The following IFT80 variants were observed in gnomAD, a reference collection of about 807,000 sequenced individuals.
The protein encoded by IFT80 is intraflagellar transport protein 80 homolog.
Under a neutral mutation model 107.9 loss-of-function variants are expected in IFT80, and 79 were observed. The ratio of observed to expected loss-of-function variants is 0.73; its 90% confidence interval spans 0.61 to 0.88. The LOEUF (loss-of-function observed/expected upper bound fraction) is 0.88, where lower values mean the gene tolerates loss of function less well. IFT80 is among the 40% of genes least tolerant of loss of function. The probability of loss-of-function intolerance (pLI) is 0.00; values close to 1 mark genes in which losing one functional copy is unlikely to be tolerated. For missense variants in IFT80, 797 were observed against 914.2 expected, an observed-to-expected ratio of 0.87 and a Z score of 1.65; for synonymous variants, 299 against 300.9, an observed-to-expected ratio of 0.99 and a Z score of 0.07.
At chr3:160,318,231 A>G (rs992863441) in intron 9 of IFT80, among the ~76,000 whole-genome samples, 2 of 151,700 alleles carry the variant, frequency 1.3e-5, no homozygotes, top group Non-Finnish European at 2.9e-5. Flanking sequence ...AAGTTTTATA[A>G]TTTTAAAATA....
intron 18 of IFT80, among the ~76,000 whole-genome samples, chr3:160,274,365 A>C (rs748819040): frequency 6.6e-6 from 1 of 152,156 alleles, no homozygotes; most frequent in Admixed American, 6.6e-5. Context: ...AATGTTCAGA[A>C]GGTTATATTA....
intron 8 of IFT80, among the ~76,000 whole-genome samples, chr3:160,354,888 A>G (rs995918458): frequency 6.6e-6 from 1 of 152,184 alleles, no homozygotes; most frequent in African/African-American, 2.4e-5. Flanking sequence ...AGCTAGGCAG[A>G]GGACTTCATA....
intron 12 of IFT80, among the ~76,000 whole-genome samples, chr3:160,286,836 T>C (rs1203837292): frequency 6.6e-6 from 1 of 152,230 alleles, no homozygotes; most frequent in Non-Finnish European, 1.5e-5. Flanking sequence ...CAATAATTTA[T>C]CTGGTCTTTG....
In IFT80 at chr3:160,258,305, T is replaced by A; in HGVS notation, c.*220A>T. Reference sequence around the variant, plus strand: ...ACACAGGTATCTCTTAAGTACATAGTAATATTTTGCTAATTATTGGACTAA... The same window carrying A: ...ACACAGGTATCTCTTAAGTACATAGAAATATTTTGCTAATTATTGGACTAA... On this transcript the variant is annotated 3_prime_UTR_variant, in exon 20 of 20. Transcript: ENST00000326448. The A allele has an allele frequency of 1.6e-6, 1 of 615,188 alleles. No individual in the cohort carries two copies. The highest frequency in any genetic ancestry group is 2.9e-5 in the East Asian group (1 of 34,184). The allele number at this position is 615,188 out of a possible 1,614,324, so 38.1% of individuals were successfully genotyped here.
chr3:160,356,039 T>C lies in IFT80; in HGVS notation c.751A>G (p.Thr251Ala). Residue 251 changes from threonine (T) to alanine (A), a missense_variant, in exon 8 of 20, where the codon ACT becomes GCT. Transcript: ENST00000326448. ...CCAGTTTTATCACACAAGCGTAAAG[T>C]ATGAAACGATCCAACAGCAAATAAT... ...GELFAVGSFH[T>A]LRLCDKTGWS... 2 of 1,614,100 alleles carry C rather than the reference T, an allele frequency of 1.2e-6. No homozygotes were observed. Among genetic ancestry groups the C allele is most frequent in the Non-Finnish European group, 1.7e-6 (2 of 1,179,970 alleles).
At chr3:160,270,476 G>A in intron 18 of IFT80, among the ~76,000 whole-genome samples, 1 of 152,240 alleles carries the variant, frequency 6.6e-6, no homozygotes, top group East Asian at 1.9e-4. Context: ...TGGGCAAAAT[G>A]ATTTCTTATA....
intron 6 of IFT80, among the ~76,000 whole-genome samples, 172 bp downstream of exon 6, chr3:160,365,871 T>G (rs1223515374): frequency 6.6e-6 from 1 of 151,986 alleles, no homozygotes; most frequent in Non-Finnish European, 1.5e-5. Context: ...AAAACAAACC[T>G]TGTTGGAAAT....
At chr3:160,389,542 C>T (rs1379222484) in intron 1 of IFT80, among the ~76,000 whole-genome samples, 1 of 138,254 alleles carries the variant, frequency 7.2e-6, no homozygotes, top group Non-Finnish European at 1.5e-5. Context: ...CATGTGTTCT[C>T]ATTGTTCAAT....
chr3:160,353,474 A>G (rs1307776769), intron 8 of IFT80, among the ~76,000 whole-genome samples: 1 of 152,190 alleles, frequency 6.6e-6, no homozygotes, highest in Non-Finnish European at 1.5e-5. Flanking sequence ...ACTTTAGTCC[A>G]TCTATCTTTT....
intron 19 of IFT80, among the ~76,000 whole-genome samples, chr3:160,260,641 T>C (rs924550219): frequency 2.6e-5 from 4 of 152,234 alleles, no homozygotes; most frequent in Non-Finnish European, 5.9e-5. Context: ...ATAATTTAGT[T>C]CGTGGATTAG....
At chr3:160,294,530 CA>C (rs1316994187) in intron 12 of IFT80, among the ~76,000 whole-genome samples, 2 of 152,204 alleles carry the variant, frequency 1.3e-5, no homozygotes, top group African/African-American at 4.8e-5. Flanking sequence ...CAACTTTTGG[CA>C]TCGCACTAAC....
At chr3:160,354,815 T>C (rs1054553899) in intron 8 of IFT80, among the ~76,000 whole-genome samples, 25 of 152,132 alleles carry the variant, frequency 1.6e-4, no homozygotes, top group Admixed American at 1.2e-3. Flanking sequence ...TGAACACACT[T>C]AGAGAGTTGT....
intron 8 of IFT80, among the ~76,000 whole-genome samples, chr3:160,339,447 G>A (rs1719728010): frequency 6.6e-6 from 1 of 151,906 alleles, no homozygotes; most frequent in Non-Finnish European, 1.5e-5. Flanking sequence ...CATTATTTTT[G>A]TTATACTAAT....
intron 8 of IFT80, among the ~76,000 whole-genome samples, chr3:160,346,171 A>G (rs1372564247): frequency 8.5e-5 from 13 of 152,222 alleles, no homozygotes; most frequent in Non-Finnish European, 1.6e-4. Flanking sequence ...GACAGGACAG[A>G]AAGTTTTCAA....
At chr3:160,320,702 T>A (rs1718144949) in intron 8 of IFT80, among the ~76,000 whole-genome samples, 2 of 151,884 alleles carry the variant, frequency 1.3e-5, no homozygotes, top group African/African-American at 4.8e-5. Context: ...TCTTCCAGCC[T>A]TACAGCGTAT....
At chr3:160,336,280 C>A (rs946797877) in intron 8 of IFT80, among the ~76,000 whole-genome samples, 3 of 152,088 alleles carry the variant, frequency 2.0e-5, no homozygotes, top group African/African-American at 7.2e-5. Flanking sequence ...CAGGAGCAGA[C>A]AATCAAATAA....
At chr3:160,303,399 T>C (rs1440721078) in intron 11 of IFT80, among the ~76,000 whole-genome samples, 1 of 152,150 alleles carries the variant, frequency 6.6e-6, no homozygotes, top group East Asian at 1.9e-4. Flanking sequence ...AATGTCTTAG[T>C]AGAGAAAACT....
At chr3:160,395,077 T>C (rs1285586935) in intron 1 of IFT80, among the ~76,000 whole-genome samples, 1 of 152,228 alleles carries the variant, frequency 6.6e-6, no homozygotes, top group Non-Finnish European at 1.5e-5. Context: ...TATCCACTTA[T>C]ATATTTAATA....
rs751917876 is a variant in IFT80, at chr3:160,268,494, T to A, written c.2142A>T (p.Thr714=). The A allele has an allele frequency of 2.7e-5, 44 of 1,613,084 alleles. No individual in the cohort carries two copies. Among genetic ancestry groups the A allele is most frequent in the Admixed American group, 1.5e-4 (9 of 60,004 alleles). ...AAAACTTTTGACGGTAAGCAAGAAC[T>A]GTATCAACATGTGTTTTGTATTTTA... ...LAVKYKTHVD[T]VLAYRQKFLE... Residue 714 remains threonine, a synonymous_variant, in exon 19 of 20, where the codon ACA becomes ACT. Coordinates refer to ENST00000326448, the MANE Select transcript of IFT80 (RefSeq NM_020800.3).
Sources: gnomAD v4.1 joint callset for allele counts (sites outside exome capture counted in the v4.1 genomes callset) on GRCh38, gnomAD v4.1.1 for gene constraint, MANE v1.5 for transcripts, NCBI Gene and HGNC (gene_info 2026-07-23, HGNC 2026-07-21) for gene names.